KDM4C: variants seen among roughly 807,000 people sequenced by gnomAD.
KDM4C encodes lysine demethylase 4C, also known as lysine-specific demethylase 4C.
KDM4C carries 81 observed loss-of-function variants against 129.3 expected under a neutral mutation model. The ratio of observed to expected loss-of-function variants is 0.63; its 90% confidence interval spans 0.52 to 0.75. The LOEUF (loss-of-function observed/expected upper bound fraction) is 0.75, where lower values mean the gene tolerates loss of function less well. Ranked by LOEUF, KDM4C falls within the 30% of genes least tolerant of loss-of-function variation. The pLI is 0.00. For synonymous variants in KDM4C, 573 were observed against 456.1 expected (o/e 1.26, Z -3.26); for missense variants, 1,457 against 1,304.0 (o/e 1.12, Z -1.81).
rs1283353242 is a variant in KDM4C at position 7,169,959 on chromosome 9, AG to A, written c.2994+70del. 3 of 1,607,158 alleles carry A rather than the reference AG, an allele frequency of 1.9e-6. No homozygotes were observed. The African/African-American group carries it at 4.0e-5, about 22-fold the overall frequency. ...CCTTGTCCTCACCTCATGTTTCCCAAGCCCAGCAGGAAACATACTTGGGCTT... is the reference window on the plus strand; with the variant it reads ...CCTTGTCCTCACCTCATGTTTCCCAACCCAGCAGGAAACATACTTGGGCTT... On this transcript the variant is annotated intron_variant, in intron 21 of 21. Coordinates refer to ENST00000381309, the MANE Select transcript of KDM4C (RefSeq NM_015061.6).
In KDM4C at chr9:6,758,027, G is replaced by A. The variant is rs1818584201; in HGVS notation, c.-194G>A. On this transcript the variant is annotated 5_prime_UTR_variant, in exon 1 of 22. Coordinates refer to ENST00000381309, the MANE Select transcript of KDM4C (RefSeq NM_015061.6). This position sits in a 1 kb window ranked among gnomAD's most constrained non-coding sequence, Gnocchi z 4.6. The stretch of plus-strand genomic sequence containing the variant: ...TGCCTCCCACCCACCCCCTCGACGG[G>A]AGGGTGAGGCGCGGCGCAGTGATCG... 2 of 985,458 alleles carry A rather than the reference G, an allele frequency of 2.0e-6. No individual in the cohort carries two copies. Among genetic ancestry groups the A allele is most frequent in the South Asian group, 9.4e-5 (2 of 21,292 alleles). The allele number at this position is 985,458 out of a possible 1,614,324, so 61.0% of individuals were successfully genotyped here.
intron 5 of KDM4C, among the ~76,000 whole-genome samples, chr9:6,865,977 TCTC>T (rs997073853): frequency 2.6e-5 from 4 of 152,032 alleles, no homozygotes; most frequent in African/African-American, 9.7e-5. Flanking sequence ...ATGGTCTCGA[TCTC>T]CTGACCTTGT....
At chr9:6,810,723 T>C (rs1830986579) in intron 3 of KDM4C, among the ~76,000 whole-genome samples, 1 of 151,840 alleles carries the variant, frequency 6.6e-6, no homozygotes. Context: ...AATAAAAAAT[T>C]AGCCATGCAT....
chr9:6,988,082 G>T (rs1318167383), intron 11 of KDM4C, among the ~76,000 whole-genome samples: 7 of 146,600 alleles, frequency 4.8e-5, no homozygotes, highest in Non-Finnish European at 3.0e-5. Flanking sequence ...TCGAGCTCAG[G>T]AATTCAAGGC....
chr9:7,080,041 A>G (rs999847596), intron 17 of KDM4C, among the ~76,000 whole-genome samples: 12 of 152,302 alleles, frequency 7.9e-5, no homozygotes, highest in African/African-American at 2.9e-4. Context: ...ATACTGAAAA[A>G]AAAAAATGGC....
chr9:6,801,689 C>G (rs529390599), intron 2 of KDM4C, among the ~76,000 whole-genome samples: 1 of 151,706 alleles, frequency 6.6e-6, no homozygotes, highest in South Asian at 2.1e-4. Context: ...ACATACACAT[C>G]GAAGAGTATT....
intron 3 of KDM4C, among the ~76,000 whole-genome samples, chr9:6,812,564 A>C (rs891346751): frequency 6.6e-6 from 1 of 152,146 alleles, no homozygotes; most frequent in Admixed American, 6.6e-5. Flanking sequence ...CCTCACATGC[A>C]CAGTTCACAA....
chr9:7,054,432 T>C (rs1587296582), intron 17 of KDM4C, among the ~76,000 whole-genome samples: 1 of 152,310 alleles, frequency 6.6e-6, no homozygotes, highest in Non-Finnish European at 1.5e-5. Flanking sequence ...CATAGAGATA[T>C]ATAAAACACA....
intron 21 of KDM4C, among the ~76,000 whole-genome samples, chr9:7,172,123 T>C (rs1845027288): frequency 6.6e-6 from 1 of 152,164 alleles, no homozygotes; most frequent in African/African-American, 2.4e-5. Flanking sequence ...GAAAACTCAT[T>C]GATGGAAGAT....
At chr9:7,050,442 C>CAAAAAAAAAAAAAAAAA (rs71500910) in intron 17 of KDM4C, among the ~76,000 whole-genome samples, 29 of 78,222 alleles carry the variant, frequency 3.7e-4, no homozygotes, top group South Asian at 6.3e-4. Context: ...CCCAGATTAC[C>CAAAAAAAAAAAAAAAAA]AAAAAAAAAA....
intron 1 of KDM4C, chr9:6,735,154 AC>A (rs1388846006): frequency 1.4e-5 from 2 of 138,316 alleles, no homozygotes; most frequent in Non-Finnish European, 2.7e-5. Context: ...CCCCGCCCCC[AC>A]CCCCCAGCAT....
In KDM4C at chr9:7,011,828, C is replaced by T; in HGVS notation, c.1917C>T (p.Ala639=). The change falls in exon 13 of 22, where the codon GCC becomes GCT. Residue 639 remains alanine, a synonymous_variant. Transcript: ENST00000381309. ...AAEQEYNATV[A]RMKPHCAICT... Reference sequence around the variant, plus strand: ...AGCAAGAGTATAATGCAACAGTGGCCAGGATGAAGCCACACTGTGCCATCT... The same window carrying T: ...AGCAAGAGTATAATGCAACAGTGGCTAGGATGAAGCCACACTGTGCCATCT... 6.2e-7 allele frequency: 1 copy of T among 1,614,026 alleles called. No homozygotes were observed.
rs1368653107 is a variant in KDM4C at position 6,869,293 on chromosome 9, G to A, written c.630-10719G>A. Among the ~76,000 whole-genome samples the A allele has an allele frequency of 2.6e-5, 4 of 152,162 alleles. No homozygotes were observed. The East Asian group carries it at 7.7e-4, about 29-fold the overall frequency. On this transcript the variant is annotated intron_variant, in intron 5 of 21. Transcript: ENST00000381309. ...TTAAGGGTGCGGCTGAGCTCTAGCT[G>A]AGTTCCTTTTCTCAGGGGCTTTTAA...
chr9:7,060,687 G>A (rs1366365692), intron 17 of KDM4C, among the ~76,000 whole-genome samples: 1 of 151,882 alleles, frequency 6.6e-6, no homozygotes, highest in Non-Finnish European at 1.5e-5. Context: ...TCACCATGTT[G>A]GCCAGGATGG....
chr9:6,752,860 A>C (rs1289860715), upstream of KDM4C, among the ~76,000 whole-genome samples: 1 of 152,188 alleles, frequency 6.6e-6, no homozygotes, highest in Non-Finnish European at 1.5e-5. Context: ...TCCTCAATGA[A>C]GATATCTTTT....
intron 19 of KDM4C, among the ~76,000 whole-genome samples, chr9:7,144,305 T>C (rs1020099383): frequency 2.6e-5 from 4 of 152,132 alleles, no homozygotes; most frequent in African/African-American, 9.7e-5. Flanking sequence ...TGAGCTGATA[T>C]TTTCTGACAA....
At position 6,829,260 on chromosome 9, in the gene KDM4C, C is replaced by T. The variant is rs193299105; in HGVS notation, c.435+14515C>T. ...AGTCCACAAGACTGTACTGAGAATCCAGGGCATTATGGACATTAGGCATGG... is the reference window on the plus strand; with the variant it reads ...AGTCCACAAGACTGTACTGAGAATCTAGGGCATTATGGACATTAGGCATGG... On this transcript the variant is annotated intron_variant, in intron 4 of 21. Coordinates refer to ENST00000381309, the MANE Select transcript of KDM4C (RefSeq NM_015061.6). 2.6e-5 allele frequency among the ~76,000 whole-genome samples: 4 copies of T among 152,262 alleles called. No individual in the cohort carries two copies. The East Asian group carries it at 5.8e-4, about 22-fold the overall frequency.
chr9:7,000,777 T>C (rs1820586230), intron 12 of KDM4C, among the ~76,000 whole-genome samples: 1 of 152,226 alleles, frequency 6.6e-6, no homozygotes, highest in Admixed American at 6.5e-5. Flanking sequence ...CTCAGCCTTA[T>C]AGACCACCGA....
chr9:7,001,482 G>T (rs1266827124), intron 12 of KDM4C, among the ~76,000 whole-genome samples: 1 of 152,204 alleles, frequency 6.6e-6, no homozygotes, highest in South Asian at 2.1e-4. Flanking sequence ...GAGCTGACAG[G>T]ACCATGTAAT....
Sources: gnomAD v4.1 joint callset for allele counts (sites outside exome capture counted in the v4.1 genomes callset) on GRCh38, gnomAD v4.1.1 for gene constraint, Gnocchi (gnomAD v3.1) non-coding constraint, MANE v1.5 for transcripts, NCBI Gene and HGNC (gene_info 2026-07-23, HGNC 2026-07-21) for gene names.